Variants in TEX9 observed in about 807,000 individuals in gnomAD.
TEX9 encodes the protein testis expressed 9, also known as testis-expressed protein 9.
A neutral mutation model predicts 59.6 loss-of-function variants in TEX9; 74 were observed. The ratio of observed to expected loss-of-function variants is 1.24; its 90% CI spans 1.03 to 1.51. TEX9 has a LOEUF of 1.51. Ranked by LOEUF, TEX9 falls within the 40% of genes most tolerant of loss-of-function variation. The pLI is 0.00. For missense variants in TEX9, 522 were observed against 447.8 expected, an observed-to-expected ratio of 1.17 and a Z score of -1.49; for synonymous variants, 186 against 152.2, an observed-to-expected ratio of 1.22 and a Z score of -1.64.
the TEX9 span, among the ~76,000 whole-genome samples, chr15:56,460,009 A>AAAAAATATATATATATATATATATAT: frequency 2.7e-4 from 7 of 26,404 alleles, 2 homozygotes; most frequent in Non-Finnish European, 2.8e-4. Flanking sequence ...AAAAAAAAAA[A>AAAAAATATATATATATATATATATAT]ATACATATAT....
intron 1 of TEX9, among the ~76,000 whole-genome samples, chr15:56,309,273 G>C (rs965803435): frequency 9.2e-5 from 14 of 152,130 alleles, no homozygotes; most frequent in African/African-American, 2.7e-4. Context: ...ATTAAGAAAG[G>C]ATGTTGGAAT....
downstream of TEX9, among the ~76,000 whole-genome samples, chr15:56,450,724 G>T (rs1365319208): frequency 6.6e-6 from 1 of 152,098 alleles, no homozygotes; most frequent in Non-Finnish European, 1.5e-5. Flanking sequence ...TTGTATACAA[G>T]TATCCATTTA....
At chr15:56,444,023 T>C (rs2050865335) in intron 12 of TEX9, among the ~76,000 whole-genome samples, 1 of 152,200 alleles carries the variant, frequency 6.6e-6, no homozygotes, top group African/African-American at 2.4e-5. Context: ...GGTATGAATT[T>C]TTCTTTGGGT....
chr15:56,411,089 G>A (rs2140133000), intron 9 of TEX9, among the ~76,000 whole-genome samples: 1 of 152,232 alleles, frequency 6.6e-6, no homozygotes, highest in South Asian at 2.1e-4. Context: ...ATAGACAACT[G>A]TATTTTTAAC....
the TEX9 span, among the ~76,000 whole-genome samples, chr15:56,459,178 T>A: frequency 6.6e-6 from 1 of 152,246 alleles, no homozygotes; most frequent in Non-Finnish European, 1.5e-5. Flanking sequence ...GATTTGCATA[T>A]TCTGGATATT....
upstream of TEX9, among the ~76,000 whole-genome samples, chr15:56,361,152 T>A (rs2046782220): frequency 6.6e-6 from 1 of 152,236 alleles, no homozygotes; most frequent in Non-Finnish European, 1.5e-5. Context: ...TATAAGTTTA[T>A]TGATTTTAAC....
intron 1 of TEX9, among the ~76,000 whole-genome samples, chr15:56,319,148 A>T (rs1167009693): frequency 2.0e-5 from 3 of 151,988 alleles, no homozygotes; most frequent in Non-Finnish European, 4.4e-5. Context: ...TTATCCTATT[A>T]TCACTATAAA....
At chr15:56,455,440 C>A in the TEX9 span, among the ~76,000 whole-genome samples, 1 of 151,940 alleles carries the variant, frequency 6.6e-6, no homozygotes, top group Non-Finnish European at 1.5e-5. Flanking sequence ...GATACATTTG[C>A]CAAACATATT....
upstream of TEX9, among the ~76,000 whole-genome samples, chr15:56,362,705 C>G (rs1298973215): frequency 6.6e-6 from 1 of 152,180 alleles, no homozygotes; most frequent in Non-Finnish European, 1.5e-5. Context: ...TTAGCTAACC[C>G]TCCATCATCT....
intron 12 of TEX9, among the ~76,000 whole-genome samples, chr15:56,439,230 G>C (rs992488983): frequency 6.6e-6 from 1 of 152,130 alleles, no homozygotes; most frequent in Non-Finnish European, 1.5e-5. Context: ...TACAGGATTT[G>C]TATGCTGAAA....
intron 3 of TEX9, among the ~76,000 whole-genome samples, chr15:56,379,003 G>C (rs111820136): frequency 6.7e-6 from 1 of 150,052 alleles, no homozygotes; most frequent in Admixed American, 6.7e-5. Flanking sequence ...GGTCTAGGCT[G>C]TAGTGAGCCA....
At chr15:56,386,336 T>A (rs2047959058) in intron 4 of TEX9, among the ~76,000 whole-genome samples, 1 of 151,894 alleles carries the variant, frequency 6.6e-6, no homozygotes, top group South Asian at 2.1e-4. Flanking sequence ...ATACTCTCTG[T>A]CTTGGTGGTT....
At chr15:56,400,660 A>G (rs2048723366) in intron 9 of TEX9, among the ~76,000 whole-genome samples, 1 of 152,186 alleles carries the variant, frequency 6.6e-6, no homozygotes, top group African/African-American at 2.4e-5. Context: ...CCTCGAGAAG[A>G]GCAACACCAA....
intron 2 of TEX9, among the ~76,000 whole-genome samples, chr15:56,366,465 A>T (rs142392429): frequency 2.0e-5 from 3 of 152,298 alleles, no homozygotes; most frequent in African/African-American, 7.2e-5. Context: ...TCAACCTGTA[A>T]TGTGAGTGGC....
intron 9 of TEX9, chr15:56,396,489 C>G (rs1294601835): frequency 6.6e-6 from 1 of 150,622 alleles, no homozygotes; most frequent in African/African-American, 2.4e-5. Flanking sequence ...AACCACTGAT[C>G]TGTGTTTGGT....
chr15:56,274,446 A>G (rs1283247967), intron 1 of TEX9: 1 of 152,134 alleles, frequency 6.6e-6, no homozygotes, highest in Non-Finnish European at 1.5e-5. Flanking sequence ...TGTCTACATT[A>G]TCTCTTGAAT....
At chr15:56,421,750 AATG>A (rs1269436713) in intron 10 of TEX9, 1 of 151,738 alleles carries the variant, frequency 6.6e-6, no homozygotes, top group Non-Finnish European at 1.5e-5. Flanking sequence ...GTTTGCTGAG[AATG>A]ATGATTTCCA....
chr15:56,338,779 A>G (rs1251805525), intron 1 of TEX9, among the ~76,000 whole-genome samples: 1 of 151,970 alleles, frequency 6.6e-6, no homozygotes, highest in Non-Finnish European at 1.5e-5. Flanking sequence ...TTAGCTGGGC[A>G]TGGTGGCGAG....
downstream of TEX9, among the ~76,000 whole-genome samples, chr15:56,448,205 G>A (rs1367453863): frequency 6.6e-6 from 1 of 152,170 alleles, no homozygotes; most frequent in African/African-American, 2.4e-5. Flanking sequence ...CACGTTCAGC[G>A]TTTTAAGAAG....
Sources: allele counts gnomAD v4.1 joint callset (sites outside exome capture counted in the v4.1 genomes callset), GRCh38; gene constraint gnomAD v4.1.1; transcripts MANE v1.5; gene names NCBI Gene and HGNC (gene_info 2026-07-23, HGNC 2026-07-21).